DCPH1: variants seen among roughly 807,000 people sequenced by gnomAD.
DCPH1 encodes damage control phosphatase 1, also known as damage-control phosphatase 1.
At chr6:151,460,094 G>C in the DCPH1 span, among the ~76,000 whole-genome samples, 7 of 151,938 alleles carry the variant, frequency 4.6e-5, no homozygotes, top group South Asian at 1.5e-3. Context: ...TTGTTTGTTT[G>C]TTTAAGATGG....
chr6:151,455,236 C>T, the DCPH1 span, among the ~76,000 whole-genome samples: 1 of 152,172 alleles, frequency 6.6e-6, no homozygotes, highest in Non-Finnish European at 1.5e-5. Context: ...CCCTCCACAC[C>T]TGTGGGTGTT....
chr6:151,467,983 G>C, the DCPH1 span, among the ~76,000 whole-genome samples: 4 of 152,288 alleles, frequency 2.6e-5, no homozygotes, highest in African/African-American at 9.6e-5. Flanking sequence ...TTCTTCTCTT[G>C]ACTCTGGATT....
chr6:151,454,429 T>C, the DCPH1 span: 1 of 633,532 alleles, frequency 1.6e-6, no homozygotes, highest in Non-Finnish European at 2.8e-6. Context: ...AATACTTGTC[T>C]ATCTTTTAAT....
chr6:151,462,745 G>T, the DCPH1 span, among the ~76,000 whole-genome samples: 1 of 152,146 alleles, frequency 6.6e-6, no homozygotes. Flanking sequence ...AGCTTTAGTA[G>T]ATTCTAAAAT....
chr6:151,452,677 G>A, the DCPH1 span: 4 of 1,331,538 alleles, frequency 3.0e-6, no homozygotes, highest in Non-Finnish European at 3.1e-6. Flanking sequence ...CCGCTCCCCG[G>A]TGGGCTGCGT....
the DCPH1 span, among the ~76,000 whole-genome samples, chr6:151,460,904 T>G: frequency 6.6e-6 from 1 of 152,224 alleles, no homozygotes; most frequent in South Asian, 2.1e-4. Flanking sequence ...TTCTAGTGAC[T>G]GTGCAACCCA....
At chr6:151,467,996 A>G in the DCPH1 span, among the ~76,000 whole-genome samples, 1 of 152,200 alleles carries the variant, frequency 6.6e-6, no homozygotes, top group African/African-American at 2.4e-5. Flanking sequence ...TCTGGATTAT[A>G]TGGGCAACTT....
chr6:151,456,331 C>T, the DCPH1 span, among the ~76,000 whole-genome samples: 1 of 152,148 alleles, frequency 6.6e-6, no homozygotes, highest in African/African-American at 2.4e-5. Flanking sequence ...GATCTTTTCT[C>T]CTTGGCCAAA....
the DCPH1 span, chr6:151,458,643 GTT>G: frequency 3.7e-6 from 5 of 1,360,862 alleles, no homozygotes; most frequent in Non-Finnish European, 5.0e-6. Context: ...AAAAGGATAA[GTT>G]TAAAAATAAG....
the DCPH1 span, among the ~76,000 whole-genome samples, chr6:151,458,156 CTG>C: frequency 6.6e-6 from 1 of 152,182 alleles, no homozygotes; most frequent in African/African-American, 2.4e-5. Flanking sequence ...CATATGAGAT[CTG>C]TGTGTGTTTT....
chr6:151,465,513 A>C, the DCPH1 span, among the ~76,000 whole-genome samples: 2 of 152,176 alleles, frequency 1.3e-5, no homozygotes, highest in Admixed American at 1.3e-4. Flanking sequence ...AGGTGAGAAA[A>C]ATTGCAAGGA....
At chr6:151,468,155 CTTG>C in the DCPH1 span, among the ~76,000 whole-genome samples, 5 of 152,212 alleles carry the variant, frequency 3.3e-5, no homozygotes, top group Admixed American at 6.5e-5. Flanking sequence ...TCAGTTTTAT[CTTG>C]TTAATACAGC....
chr6:151,462,379 C>G, the DCPH1 span, among the ~76,000 whole-genome samples: 4 of 152,232 alleles, frequency 2.6e-5, no homozygotes, highest in South Asian at 6.2e-4. Context: ...AACCATTGTT[C>G]TGACCTGTGT....
At chr6:151,453,571 G>A in the DCPH1 span, among the ~76,000 whole-genome samples, 1 of 152,200 alleles carries the variant, frequency 6.6e-6, no homozygotes, top group Non-Finnish European at 1.5e-5. Flanking sequence ...CGGAAAGTGT[G>A]TGCAGTTTTT....
At chr6:151,456,702 G>A in the DCPH1 span, among the ~76,000 whole-genome samples, 1 of 152,200 alleles carries the variant, frequency 6.6e-6, no homozygotes, top group Non-Finnish European at 1.5e-5. Flanking sequence ...ACTAGGCAGA[G>A]TGCAGTGGTG....
At chr6:151,454,204 C>A in the DCPH1 span, among the ~76,000 whole-genome samples, 2 of 152,144 alleles carry the variant, frequency 1.3e-5, no homozygotes, top group African/African-American at 2.4e-5. Flanking sequence ...GGGACAAGAG[C>A]CTGTTTGATT....
the DCPH1 span, chr6:151,452,489 CCT>C: frequency 1.3e-6 from 2 of 1,597,204 alleles, no homozygotes; most frequent in South Asian, 2.2e-5. Context: ...GGCGGTACCG[CCT>C]CTGTTTCTGC....
chr6:151,456,090 G>T, the DCPH1 span, among the ~76,000 whole-genome samples: 1 of 152,214 alleles, frequency 6.6e-6, no homozygotes, highest in Non-Finnish European at 1.5e-5. Flanking sequence ...CAAGGCAGAA[G>T]AATTTTTCTT....
chr6:151,468,696 A>G, the DCPH1 span: 3 of 1,614,042 alleles, frequency 1.9e-6, no homozygotes, highest in Admixed American at 1.7e-5. Flanking sequence ...TTGAACAGGT[A>G]AAACACAGTA....
Sources: gnomAD v4.1 joint callset for allele counts (sites outside exome capture counted in the v4.1 genomes callset) on GRCh38, gnomAD v4.1.1 for gene constraint, MANE v1.5 for transcripts, NCBI Gene and HGNC (gene_info 2026-07-23, HGNC 2026-07-21) for gene names.